BLK: variants seen among roughly 807,000 people sequenced by gnomAD.
BLK encodes the protein tyrosine-protein kinase Blk.
Under a neutral mutation model 61.8 loss-of-function variants are expected in BLK, and 64 were observed. The ratio of observed to expected loss-of-function variants is 1.03; its 90% confidence interval spans 0.85 to 1.27. The LOEUF (loss-of-function observed/expected upper bound fraction) is 1.27, where lower values mean the gene tolerates loss of function less well. Among genes scored for constraint, BLK ranks in the 50% most tolerant of loss-of-function variants. The probability of loss-of-function intolerance (pLI) is 0.00; values close to 1 mark genes in which losing one functional copy is unlikely to be tolerated. For missense variants in BLK, 853 were observed against 660.5 expected, an observed-to-expected ratio of 1.29 and a Z score of -3.19; for synonymous variants, 351 against 272.0, an observed-to-expected ratio of 1.29 and a Z score of -2.86.
At chr8:11,556,014 T>TTGGTCCATGAGTCCTCCCTTACCTGGGGC (rs1193739481) in intron 8 of BLK, 5 of 286,642 alleles carry the variant, frequency 1.7e-5, no homozygotes, top group South Asian at 1.1e-4. Context: ...TATCCCTGGA[T>TTGGTCCATGAGTCCTCCCTTACCTGGGGC]TGGTCCATGA....
intron 10 of BLK, 60 bp downstream of exon 10, chr8:11,558,098 C>A (rs1349224693): frequency 9.2e-6 from 14 of 1,521,034 alleles, no homozygotes; most frequent in Non-Finnish European, 1.3e-5. Flanking sequence ...CCCACAATGG[C>A]TGCTCGTGCC....
intron 1 of BLK, among the ~76,000 whole-genome samples, chr8:11,536,200 G>T (rs1193892305): frequency 6.6e-6 from 1 of 152,168 alleles, no homozygotes; most frequent in Non-Finnish European, 1.5e-5. Flanking sequence ...CCATGCTTTA[G>T]AAACAAATGC....
intron 8 of BLK, 167 bp downstream of exon 8, chr8:11,555,651 C>T: frequency 9.0e-7 from 1 of 1,114,636 alleles, no homozygotes. Flanking sequence ...AGTGGAGGTG[C>T]AGAGCCGCGT....
intron 1 of BLK, among the ~76,000 whole-genome samples, chr8:11,527,383 T>G (rs1354889847): frequency 1.3e-5 from 2 of 152,162 alleles, no homozygotes; most frequent in Non-Finnish European, 2.9e-5. Context: ...TAAGTTTCCT[T>G]TAGCCCTTTC....
chr8:11,519,029 C>T (rs1007333812), intron 1 of BLK, among the ~76,000 whole-genome samples: 2 of 152,164 alleles, frequency 1.3e-5, no homozygotes, highest in Admixed American at 1.3e-4. Context: ...GTGGCACTTA[C>T]CTCTCCTAGA....
intron 10 of BLK, among the ~76,000 whole-genome samples, chr8:11,559,466 CAA>C (rs1341685649): frequency 6.6e-6 from 1 of 151,750 alleles, no homozygotes; most frequent in African/African-American, 2.4e-5. Flanking sequence ...GACTCAGACT[CAA>C]ACACAAACTC....
chr8:11,520,277 G>C (rs999726618), intron 1 of BLK, among the ~76,000 whole-genome samples: 2 of 151,966 alleles, frequency 1.3e-5, no homozygotes, highest in Non-Finnish European at 2.9e-5. Flanking sequence ...AGGACTTCGA[G>C]ACCAGTGTGG....
At chr8:11,535,260 A>AGAAGAAAGAAAG (rs1491142956) in intron 1 of BLK, among the ~76,000 whole-genome samples, 2 of 120,406 alleles carry the variant, frequency 1.7e-5, no homozygotes, top group African/African-American at 6.4e-5. Flanking sequence ...AAAGAAAGAA[A>AGAAGAAAGAAAG]GAAGAAAGAA....
intron 1 of BLK, among the ~76,000 whole-genome samples, chr8:11,533,520 G>A (rs138470888): frequency 5.3e-5 from 8 of 151,660 alleles, no homozygotes; most frequent in African/African-American, 1.7e-4. Flanking sequence ...AAAGACCAAG[G>A]GTTTGAAGTC....
At position 11,543,427 on chromosome 8, in the gene BLK, T is replaced by C. The variant is rs975238590; in HGVS notation, c.123+80T>C. On this transcript the variant is annotated intron_variant, in intron 2 of 12. Coordinates refer to ENST00000259089, the MANE Select transcript of BLK (RefSeq NM_001715.3). ...AATGTCCAAGTTTGTAAAATGGGTA[T>C]AGCAAAAGTGCCTTCCTGATAGGGA... 1.4e-5 allele frequency: 22 copies of C among 1,573,946 alleles called. No homozygotes were observed. The Admixed American group carries it at 3.4e-4, about 24-fold the overall frequency.
intron 1 of BLK, among the ~76,000 whole-genome samples, chr8:11,523,389 A>G (rs114878508): frequency 0.013 from 1,944 of 152,202 alleles, 36 homozygotes; most frequent in African/African-American, 0.044. Context: ...CCCCGTCTCT[A>G]CTAAAAAGAC....
intron 1 of BLK, among the ~76,000 whole-genome samples, chr8:11,515,747 G>T (rs749166200): frequency 1.3e-5 from 2 of 152,190 alleles, no homozygotes. Context: ...TATGTGCTGC[G>T]CTGCATGCGG....
chr8:11,536,935 G>T (rs7831922), intron 1 of BLK, among the ~76,000 whole-genome samples: 4,096 of 152,206 alleles, frequency 0.027, 187 homozygotes, highest in African/African-American at 0.094. Flanking sequence ...TTATTTTCCT[G>T]TGAGAGTGGG....
At chr8:11,547,519 A>T (rs1223641198) in intron 3 of BLK, among the ~76,000 whole-genome samples, 1 of 152,210 alleles carries the variant, frequency 6.6e-6, no homozygotes, top group African/African-American at 2.4e-5. Flanking sequence ...GGTCACTGGC[A>T]GCCATAGACA....
intron 1 of BLK, among the ~76,000 whole-genome samples, chr8:11,526,750 C>G (rs1163688780): frequency 6.6e-6 from 1 of 152,058 alleles, no homozygotes; most frequent in East Asian, 1.9e-4. Context: ...CTGTTGTGTT[C>G]AGTGCTTATA....
chr8:11,496,377 C>T (rs1798358966), intron 1 of BLK, among the ~76,000 whole-genome samples: 1 of 152,096 alleles, frequency 6.6e-6, no homozygotes, highest in Admixed American at 6.6e-5. Flanking sequence ...GTAGCTGGGA[C>T]CACAGGTACG....
At chr8:11,515,055 G>C (rs1269913372) in intron 1 of BLK, among the ~76,000 whole-genome samples, 1 of 152,086 alleles carries the variant, frequency 6.6e-6, no homozygotes, top group Non-Finnish European at 1.5e-5. Flanking sequence ...TCTTCCCCTA[G>C]TCTCTCCACA....
rs955087121 is a variant in BLK at position 11,564,279 on chromosome 8, G to C, written c.*171G>C. Reference sequence around the variant, plus strand: ...GGGTCCCCGGACGGACTCCTTCACCGACTGCACCCCCGGGCGAGTTACGCG... The same window carrying C: ...GGGTCCCCGGACGGACTCCTTCACCCACTGCACCCCCGGGCGAGTTACGCG... On this transcript the variant is annotated 3_prime_UTR_variant, in exon 13 of 13. Coordinates refer to ENST00000259089, the MANE Select transcript of BLK (RefSeq NM_001715.3). 1 of 821,824 alleles carries C rather than the reference G, an allele frequency of 1.2e-6. No individual in the cohort carries two copies. Among genetic ancestry groups the C allele is most frequent in the African/African-American group, 1.7e-5 (1 of 59,238 alleles). 50.9% of individuals were successfully genotyped at this position (821,824 alleles called of 1,614,324 possible). A position where few individuals can be genotyped will look rare whatever the true frequency, so the allele number is the denominator to read the frequency against.
At chr8:11,508,070 C>T (rs554216771) in intron 1 of BLK, among the ~76,000 whole-genome samples, 3 of 152,262 alleles carry the variant, frequency 2.0e-5, no homozygotes, top group South Asian at 2.1e-4. Flanking sequence ...ACAACAGCCC[C>T]GTGATGTCAT....
Sources: gnomAD v4.1 joint callset for allele counts (sites outside exome capture counted in the v4.1 genomes callset) on GRCh38, gnomAD v4.1.1 for gene constraint, MANE v1.5 for transcripts, NCBI Gene and HGNC (gene_info 2026-07-23, HGNC 2026-07-21) for gene names.